The following NDUFA12 variants were observed in gnomAD, a reference collection of about 807,000 sequenced individuals.
NDUFA12 encodes NADH:ubiquinone oxidoreductase subunit A12.
NDUFA12 carries 17 observed loss-of-function variants against 20.3 expected under a neutral mutation model. The observed-to-expected ratio is 0.84, with a 90% CI of 0.57 to 1.26. NDUFA12 has a LOEUF of 1.26. NDUFA12 is among the 50% of genes most tolerant of loss of function. The pLI is 0.00. For synonymous variants in NDUFA12, 72 were observed against 63.6 expected, an observed-to-expected ratio of 1.13 and a Z score of -0.63; for missense variants, 191 against 183.7, an observed-to-expected ratio of 1.04 and a Z score of -0.23.
intron 3 of NDUFA12, among the ~76,000 whole-genome samples, chr12:94,985,377 C>A (rs985276847): frequency 4.6e-5 from 7 of 151,970 alleles, no homozygotes; most frequent in Admixed American, 3.3e-4. Context: ...GTAATCCCAG[C>A]ACGTTGGGAG....
chr12:94,986,924 G>C (rs182058206), intron 3 of NDUFA12, among the ~76,000 whole-genome samples: 1 of 151,986 alleles, frequency 6.6e-6, no homozygotes, highest in Non-Finnish European at 1.5e-5. Context: ...TTAAAGCAAT[G>C]GATTATAACC....
chr12:94,982,279 T>A lies in NDUFA12; in HGVS notation c.258-10659A>T, dbSNP rs1311904754. Among the ~76,000 whole-genome samples, 7 of 2,798 alleles carry A rather than the reference T, an allele frequency of 2.5e-3. No homozygotes were observed. In the Admixed American group the frequency reaches 0.034, roughly 14 times the overall value. 1.8% of individuals were successfully genotyped at this position (2,798 alleles called of 152,430 possible). A position where few individuals can be genotyped will look rare whatever the true frequency, so the allele number is the denominator to read the frequency against. Reference sequence around the variant, plus strand: ...AAGCTATTTTCTTTTTCTTTTCTTTTTTTTTTTTTTTTTTGAGACAGAGTC... The same window carrying A: ...AAGCTATTTTCTTTTTCTTTTCTTTATTTTTTTTTTTTTTGAGACAGAGTC... On this transcript the variant is annotated intron_variant, in intron 3 of 3. Coordinates refer to ENST00000327772, the MANE Select transcript of NDUFA12 (RefSeq NM_018838.5).
intron 2 of NDUFA12, 73 bp downstream of exon 2, chr12:95,002,666 T>C: frequency 9.2e-7 from 1 of 1,092,282 alleles, no homozygotes; most frequent in Non-Finnish European, 1.4e-6. Flanking sequence ...GCTCATTGCA[T>C]AATATGGAAA....
rs548411683 is a variant in NDUFA12 at position 94,996,186 on chromosome 12, C to T, written c.170-1929G>A. Among the ~76,000 whole-genome samples the T allele has an allele frequency of 1.1e-4, 16 of 151,798 alleles. No individual in the cohort carries two copies. The South Asian group carries it at 3.3e-3, about 32-fold the overall frequency. ...TCACACCACTGCATTTCAGGTGGGG[C>T]AACAGAGAGACCCTGTCTCGAAATA... On this transcript the variant is annotated intron_variant, in intron 2 of 3. Coordinates refer to ENST00000327772, the MANE Select transcript of NDUFA12 (RefSeq NM_018838.5).
chr12:94,981,876 T>C (rs775085117), intron 3 of NDUFA12, among the ~76,000 whole-genome samples: 1 of 152,216 alleles, frequency 6.6e-6, no homozygotes, highest in Non-Finnish European at 1.5e-5. Flanking sequence ...TTTGTTTTTG[T>C]ACTGGTGGAC....
chr12:94,972,203 T>C (rs142962404), intron 3 of NDUFA12, among the ~76,000 whole-genome samples: 2 of 152,250 alleles, frequency 1.3e-5, no homozygotes, highest in African/African-American at 2.4e-5. Context: ...GCTGGGATTA[T>C]AGGCATGAGC....
At chr12:94,975,938 T>C (rs935233562) in intron 3 of NDUFA12, among the ~76,000 whole-genome samples, 1 of 151,828 alleles carries the variant, frequency 6.6e-6, no homozygotes, top group African/African-American at 2.4e-5. Context: ...CCTAGCTACT[T>C]GGGAGGCTGA....
At chr12:95,002,523 G>C (rs1261556079) in intron 2 of NDUFA12, among the ~76,000 whole-genome samples, 2 of 150,144 alleles carry the variant, frequency 1.3e-5, no homozygotes, top group Non-Finnish European at 3.0e-5. Flanking sequence ...TTTTAAAGTT[G>C]CATTTCTGTT....
intron 3 of NDUFA12, among the ~76,000 whole-genome samples, chr12:94,991,932 C>T (rs1285985467): frequency 1.3e-5 from 2 of 152,176 alleles, no homozygotes; most frequent in Admixed American, 6.6e-5. Flanking sequence ...CATAGCTGCA[C>T]TTCACTCACT....
intron 1 of NDUFA12, among the ~76,000 whole-genome samples, chr12:95,003,383 G>C (rs933548607): frequency 6.6e-6 from 1 of 152,204 alleles, no homozygotes; most frequent in Non-Finnish European, 1.5e-5. Context: ...TTGCCTCCGA[G>C]TCACAGCTCT....
intron 2 of NDUFA12, 119 bp downstream of exon 2, chr12:95,002,620 T>C (rs1875093031): frequency 9.1e-6 from 7 of 770,212 alleles, no homozygotes; most frequent in East Asian, 2.6e-5. Flanking sequence ...TCATTTTCTA[T>C]TGAGTTTTTC....
intron 3 of NDUFA12, among the ~76,000 whole-genome samples, chr12:94,978,656 T>C (rs1335033304): frequency 2.0e-5 from 3 of 152,200 alleles, no homozygotes; most frequent in Non-Finnish European, 2.9e-5. Flanking sequence ...ATGTAATCCT[T>C]TCCATTAGAG....
intron 3 of NDUFA12, among the ~76,000 whole-genome samples, chr12:94,986,365 C>G (rs1874442932): frequency 6.6e-6 from 1 of 152,026 alleles, no homozygotes; most frequent in Admixed American, 6.6e-5. Context: ...GAGGACTAAG[C>G]TTTAGTGCTC....
In NDUFA12 at chr12:94,976,716, T is replaced by C. The variant is rs373270519; in HGVS notation, c.258-5096A>G. 2.6e-4 allele frequency among the ~76,000 whole-genome samples: 40 copies of C among 152,364 alleles called. No homozygotes were observed. The South Asian group carries it at 6.6e-3, about 25-fold the overall frequency. On this transcript the variant is annotated intron_variant, in intron 3 of 3. Coordinates refer to ENST00000327772, the MANE Select transcript of NDUFA12 (RefSeq NM_018838.5). ...GGTCAAATGTGTATCAAAATATTAA[T>C]AGCAGTGGTTTCTACAAGTGGTGGG...
intron 3 of NDUFA12, among the ~76,000 whole-genome samples, chr12:94,990,192 T>G (rs1440397553): frequency 6.6e-6 from 1 of 152,020 alleles, no homozygotes; most frequent in East Asian, 1.9e-4. Flanking sequence ...TTTACCTATG[T>G]CAACCTGCAC....
chr12:94,986,883 T>C (rs955180619), intron 3 of NDUFA12, among the ~76,000 whole-genome samples: 2 of 152,116 alleles, frequency 1.3e-5, no homozygotes, highest in African/African-American at 2.4e-5. Context: ...ACTAGTCAAA[T>C]TGAGCCCAAT....
At chr12:95,000,242 G>C (rs749369655) in intron 2 of NDUFA12, among the ~76,000 whole-genome samples, 1 of 152,070 alleles carries the variant, frequency 6.6e-6, no homozygotes, top group African/African-American at 2.4e-5. Context: ...ACCAAATATC[G>C]TATGTTCTCA....
chr12:94,976,984 A>C (rs1874081594), intron 3 of NDUFA12, among the ~76,000 whole-genome samples: 2 of 152,372 alleles, frequency 1.3e-5, no homozygotes, highest in East Asian at 3.9e-4. Flanking sequence ...TTCTGCTTAT[A>C]ATGAACACAT....
intron 3 of NDUFA12, chr12:94,972,486 G>C (rs1873921947): frequency 2.2e-6 from 1 of 453,674 alleles, no homozygotes; most frequent in African/African-American, 2.0e-5. Context: ...AACCCATGAG[G>C]CTCCTGCTGA....
Sources: gnomAD v4.1 joint callset for allele counts (sites outside exome capture counted in the v4.1 genomes callset) on GRCh38, gnomAD v4.1.1 for gene constraint, MANE v1.5 for transcripts, NCBI Gene and HGNC (gene_info 2026-07-23, HGNC 2026-07-21) for gene names.